Variants in SATB1 observed in about 807,000 individuals in gnomAD.
The protein encoded by SATB1 is DNA-binding protein SATB1.
SATB1 carries 11 observed loss-of-function variants against 86.9 expected under a neutral mutation model. The ratio of observed to expected loss-of-function variants is 0.13; its 90% CI spans 0.08 to 0.21. The LOEUF (loss-of-function observed/expected upper bound fraction) is 0.21, where lower values mean the gene tolerates loss of function less well. SATB1 is among the 10% of genes least tolerant of loss of function. SATB1 has a pLI of 1.00. For missense variants in SATB1, 551 were observed against 937.6 expected (o/e 0.59, Z 5.39); for synonymous variants, 357 against 357.2 (o/e 1.00, Z 0.01).
At chr3:18,396,048 T>G (rs1310173626) in intron 6 of SATB1, among the ~76,000 whole-genome samples, 1 of 152,220 alleles carries the variant, frequency 6.6e-6, no homozygotes, top group East Asian at 1.9e-4. Context: ...GCTCCTGATA[T>G]ACGCAAAATA....
intron 9 of SATB1, among the ~76,000 whole-genome samples, chr3:18,356,045 T>C (rs1257108269): frequency 1.3e-5 from 2 of 151,906 alleles, no homozygotes; most frequent in African/African-American, 2.4e-5. Flanking sequence ...CTATTCAAAA[T>C]CACGCCTTGA....
At chr3:18,427,197 A>G (rs1238685307), upstream of SATB1, among the ~76,000 whole-genome samples, 5 of 152,216 alleles carry the variant, frequency 3.3e-5, no homozygotes, top group Admixed American at 6.5e-5. Flanking sequence ...GCTAAAGTAT[A>G]AGAAATAGAA....
At chr3:18,437,801 A>C (rs1032692460) in intron 1 of SATB1, among the ~76,000 whole-genome samples, 4 of 152,180 alleles carry the variant, frequency 2.6e-5, no homozygotes, top group African/African-American at 4.8e-5. Context: ...TGAAAATACA[A>C]TGGGAAGCAT....
intron 4 of SATB1, 71 bp from the exon 5 acceptor site, chr3:18,415,305 C>G: frequency 1.3e-6 from 2 of 1,568,108 alleles, no homozygotes; most frequent in Non-Finnish European, 1.7e-6. Context: ...TCCTTTAAGA[C>G]AGACAGATTT....
At chr3:18,368,444 G>C (rs1332683389) in intron 9 of SATB1, among the ~76,000 whole-genome samples, 1 of 152,024 alleles carries the variant, frequency 6.6e-6, no homozygotes, top group Non-Finnish European at 1.5e-5. Flanking sequence ...AAGTTATCGT[G>C]GAGTAAACAC....
At chr3:18,406,597 A>G (rs1399872112) in intron 5 of SATB1, among the ~76,000 whole-genome samples, 2 of 152,070 alleles carry the variant, frequency 1.3e-5, no homozygotes, top group Non-Finnish European at 2.9e-5. Flanking sequence ...ATGTATAATC[A>G]GGTCTTTTTA....
Position 18,354,135 on chromosome 3 carries a change from C to A in SATB1, c.1576-1940G>T, listed in dbSNP as rs551074201. On this transcript the variant is annotated intron_variant, in intron 9 of 10. Transcript: ENST00000338745. ...ATTAACTATAAAACTGTTATGTGAA[C>A]ATCTGAAGTATCTGAGACCCACTTG... Among the ~76,000 whole-genome samples, 11 of 152,268 alleles carry A rather than the reference C, an allele frequency of 7.2e-5. No homozygotes were observed. The East Asian group carries it at 1.2e-3, about 16-fold the overall frequency.
chr3:18,386,744 T>C lies in SATB1; in HGVS notation c.1207-133A>G. On this transcript the variant is annotated intron_variant, in intron 7 of 10. Coordinates refer to ENST00000338745, the MANE Select transcript of SATB1 (RefSeq NM_002971.6). The surrounding 1 kb of genome is among the most constrained non-coding windows in gnomAD (Gnocchi z 4.5). The stretch of plus-strand genomic sequence containing the variant: ...GCATTAATTCTGCATAGGAATATAT[T>C]AGTTACAACTGAAGTGGTAGAGAAG... The C allele has an allele frequency of 1.5e-6, 1 of 656,218 alleles. No homozygotes were observed. The highest frequency in any genetic ancestry group is 2.6e-6 in the Non-Finnish European group (1 of 380,464). The allele number at this position is 656,218 out of a possible 1,614,324, so 40.6% of individuals were successfully genotyped here. A position where few individuals can be genotyped will look rare whatever the true frequency, so the allele number is the denominator to read the frequency against.
chr3:18,417,257 A>T (rs946288830), intron 2 of SATB1, 179 bp from the exon 3 acceptor site: 3 of 598,914 alleles, frequency 5.0e-6, no homozygotes. Context: ...TTCTCATATT[A>T]TTTAAAGTCG....
rs764753438 is a variant in SATB1 at position 18,348,696 on chromosome 3, C to T, written c.*474G>A. 27 of 154,950 alleles carry T rather than the reference C, an allele frequency of 1.7e-4. No homozygotes were observed. Among genetic ancestry groups the T allele is most frequent in the Middle Eastern group, 3.4e-3 (1 of 294 alleles). The allele number at this position is 154,950 out of a possible 1,614,324, so 9.6% of individuals were successfully genotyped here. ...AAACTGCATTCCACAGTCTATAGTTCTTTTGTAACATACAATAGAGTAACA... is the reference window on the plus strand; with the variant it reads ...AAACTGCATTCCACAGTCTATAGTTTTTTTGTAACATACAATAGAGTAACA... On this transcript the variant is annotated 3_prime_UTR_variant, in exon 11 of 11. Transcript: ENST00000338745.
At chr3:18,435,653 G>A (rs1484240385) in intron 2 of SATB1, among the ~76,000 whole-genome samples, 2 of 151,824 alleles carry the variant, frequency 1.3e-5, no homozygotes, top group Non-Finnish European at 2.9e-5. Flanking sequence ...TTGAAAAGAA[G>A]GACAGTAGTT....
chr3:18,374,133 A>G (rs577156016), intron 9 of SATB1, among the ~76,000 whole-genome samples: 1 of 152,270 alleles, frequency 6.6e-6, no homozygotes, highest in South Asian at 2.1e-4. Flanking sequence ...CAATGTAACA[A>G]TTCAGTATAC....
At chr3:18,401,111 C>T (rs11926436) in intron 5 of SATB1, among the ~76,000 whole-genome samples, 8,099 of 150,656 alleles carry the variant, frequency 0.054, 558 homozygotes, top group African/African-American at 0.16. Flanking sequence ...CCCAAACCTC[C>T]TGCAGCAGAG....
intron 9 of SATB1, among the ~76,000 whole-genome samples, chr3:18,377,354 G>A (rs1361835455): frequency 1.3e-5 from 2 of 152,162 alleles, no homozygotes; most frequent in African/African-American, 2.4e-5. Flanking sequence ...AGGGGGAAAA[G>A]AGTTTAGTGT....
chr3:18,420,862 T>C lies in SATB1; in HGVS notation c.106A>G (p.Asn36Asp). The C allele has an allele frequency of 6.2e-7, 1 of 1,614,218 alleles. No homozygotes were observed. The highest frequency in any genetic ancestry group is 8.5e-7 in the Non-Finnish European group (1 of 1,180,034). ...PPAKIARLEQ[N>D]GSPLGRGRLG... Reference sequence around the variant, plus strand: ...CTTCCTCTTCCTAGCGGGCTCCCGTTCTGCTCCAGGCGGGCAATCTTGGCT... The same window carrying C: ...CTTCCTCTTCCTAGCGGGCTCCCGTCCTGCTCCAGGCGGGCAATCTTGGCT... The change falls in exon 2 of 11, where the codon AAC becomes GAC. Residue 36 changes from asparagine (N) to aspartate (D), a missense_variant. This residue lies in a region of SATB1 where 153 missense variants were observed against 258.1 expected (regional missense o/e 0.59). Coordinates refer to ENST00000338745, the MANE Select transcript of SATB1 (RefSeq NM_002971.6).
chr3:18,396,584 C>T (rs993019117), intron 6 of SATB1, among the ~76,000 whole-genome samples: 27 of 152,098 alleles, frequency 1.8e-4, no homozygotes, highest in African/African-American at 6.3e-4. Context: ...AAATATTCAC[C>T]TAAAGTTATG....
chr3:18,436,423 A>T (rs1265037306), intron 2 of SATB1, among the ~76,000 whole-genome samples: 1 of 151,734 alleles, frequency 6.6e-6, no homozygotes, highest in Non-Finnish European at 1.5e-5. Flanking sequence ...ACAACCAAAC[A>T]CCAAAGAATG....
chr3:18,421,656 A>G (rs1329573720), intron 1 of SATB1, among the ~76,000 whole-genome samples: 1 of 152,164 alleles, frequency 6.6e-6, no homozygotes, highest in African/African-American at 2.4e-5. Flanking sequence ...GGATCAGTTT[A>G]CCCCTAAAGA....
chr3:18,364,611 G>A (rs1036792310), intron 9 of SATB1, among the ~76,000 whole-genome samples: 2 of 151,996 alleles, frequency 1.3e-5, no homozygotes, highest in African/African-American at 4.8e-5. Flanking sequence ...TTCCCTGGGG[G>A]AGAAGGTGGG....
Sources: allele counts gnomAD v4.1 joint callset (sites outside exome capture counted in the v4.1 genomes callset), GRCh38; gene constraint gnomAD v4.1.1; regional missense constraint gnomAD v4.1.1; non-coding constraint Gnocchi (gnomAD v3.1); transcripts MANE v1.5; gene names NCBI Gene and HGNC (gene_info 2026-07-23, HGNC 2026-07-21).